Variants in ARHGEF3 observed in about 807,000 individuals in gnomAD.
The protein encoded by ARHGEF3 is Rho guanine nucleotide exchange factor 3.
A neutral mutation model predicts 63.2 loss-of-function variants in ARHGEF3; 28 were observed. The observed-to-expected ratio is 0.44, with a 90% CI of 0.33 to 0.61. ARHGEF3 has a LOEUF of 0.61. Ranked by LOEUF, ARHGEF3 falls within the 20% of genes least tolerant of loss-of-function variation. The pLI is 0.03. For synonymous variants in ARHGEF3, 266 were observed against 254.2 expected (o/e 1.05, Z -0.44); for missense variants, 533 against 659.3 (o/e 0.81, Z 2.10).
At chr3:56,815,574 CA>C (rs2038238745) in intron 4 of ARHGEF3, among the ~76,000 whole-genome samples, 2 of 152,070 alleles carry the variant, frequency 1.3e-5, no homozygotes, top group Admixed American at 1.3e-4. Flanking sequence ...AATGGCAAAG[CA>C]AACAAGAGGT....
intron 2 of ARHGEF3, among the ~76,000 whole-genome samples, chr3:56,968,231 T>G (rs1159022520): frequency 1.3e-4 from 6 of 45,032 alleles, no homozygotes; most frequent in African/African-American, 4.5e-4. Flanking sequence ...ATAATATATA[T>G]ATAAATATAT....
intron 3 of ARHGEF3, among the ~76,000 whole-genome samples, chr3:56,920,493 G>A (rs9311631): frequency 0.54 from 82,349 of 152,052 alleles, 22,764 homozygotes; most frequent in South Asian, 0.61. Flanking sequence ...ACTCGTCAGG[G>A]TTGTGAGAAT....
intron 4 of ARHGEF3, among the ~76,000 whole-genome samples, chr3:56,820,678 G>T (rs2038453937): frequency 6.6e-6 from 1 of 151,934 alleles, no homozygotes; most frequent in Non-Finnish European, 1.5e-5. Flanking sequence ...GACCATGTTG[G>T]GATACTGATT....
chr3:56,831,010 T>G (rs2038914102), intron 4 of ARHGEF3, among the ~76,000 whole-genome samples: 2 of 152,194 alleles, frequency 1.3e-5, no homozygotes, highest in Non-Finnish European at 2.9e-5. Context: ...TGCTGTTATT[T>G]ACCATCTCCC....
intron 1 of ARHGEF3, among the ~76,000 whole-genome samples, chr3:56,774,055 A>C (rs1167133951): frequency 6.6e-6 from 1 of 152,188 alleles, no homozygotes; most frequent in Non-Finnish European, 1.5e-5. Context: ...GAAAAGGGGC[A>C]GGGATCTGCT....
intron 3 of ARHGEF3, among the ~76,000 whole-genome samples, chr3:56,950,607 G>A (rs371688469): frequency 3.9e-5 from 6 of 151,996 alleles, no homozygotes; most frequent in South Asian, 2.1e-4. Flanking sequence ...TTAGAATGGC[G>A]ATCATTAAAA....
chr3:56,981,475 C>T (rs1701325399), intron 2 of ARHGEF3, among the ~76,000 whole-genome samples: 2 of 152,132 alleles, frequency 1.3e-5, no homozygotes, highest in Non-Finnish European at 2.9e-5. Flanking sequence ...AGAGGTGGGT[C>T]TCATGTCCTT....
intron 4 of ARHGEF3, among the ~76,000 whole-genome samples, chr3:56,825,159 T>C (rs574406839): frequency 5.3e-4 from 80 of 152,304 alleles, no homozygotes; most frequent in Non-Finnish European, 9.7e-4. Flanking sequence ...CATAGGGCTA[T>C]TGTGAAAACT....
chr3:56,754,933 G>A (rs775527401), intron 3 of ARHGEF3, 48 bp downstream of exon 3: 3 of 1,609,770 alleles, frequency 1.9e-6, no homozygotes, highest in South Asian at 2.2e-5. Context: ...ACGCTGCAAT[G>A]CACCTTTGTT....
intron 4 of ARHGEF3, among the ~76,000 whole-genome samples, chr3:56,863,032 C>T (rs1578705219): frequency 6.6e-6 from 1 of 152,172 alleles, no homozygotes; most frequent in African/African-American, 2.4e-5. Context: ...TGCCCCCTAA[C>T]CATGTCTTCT....
chr3:56,881,684 C>A (rs2040770493), intron 4 of ARHGEF3, among the ~76,000 whole-genome samples: 1 of 152,086 alleles, frequency 6.6e-6, no homozygotes, highest in African/African-American at 2.4e-5. Context: ...GGTGGGTGCC[C>A]AGTATGTACA....
At chr3:56,768,375 G>A (rs2035825522) in intron 2 of ARHGEF3, among the ~76,000 whole-genome samples, 1 of 151,274 alleles carries the variant, frequency 6.6e-6, no homozygotes, top group Non-Finnish European at 1.5e-5. Flanking sequence ...TTTAAATGAT[G>A]TTATATTATC....
At chr3:56,784,848 C>T (rs573047921) in intron 1 of ARHGEF3, among the ~76,000 whole-genome samples, 1 of 152,264 alleles carries the variant, frequency 6.6e-6, no homozygotes, top group African/African-American at 2.4e-5. Context: ...CGACCTTGGG[C>T]CCAAAATATA....
At chr3:56,976,240 G>A (rs1216771538) in intron 2 of ARHGEF3, among the ~76,000 whole-genome samples, 2 of 151,976 alleles carry the variant, frequency 1.3e-5, no homozygotes, top group Admixed American at 6.6e-5. Flanking sequence ...ACGGGGTTTC[G>A]TCATGTTGGC....
At chr3:57,074,386 C>T in intron 1 of ARHGEF3, 1 of 817,978 alleles carries the variant, frequency 1.2e-6, no homozygotes, top group Non-Finnish European at 2.0e-6. Context: ...CCATCCCTTT[C>T]TGCATCTTCT....
chr3:57,046,905 A>G (rs1704476378), intron 1 of ARHGEF3, among the ~76,000 whole-genome samples: 1 of 152,230 alleles, frequency 6.6e-6, no homozygotes, highest in Admixed American at 6.5e-5. Context: ...AAGAGATTCT[A>G]GTTTCGTTTA....
intron 4 of ARHGEF3, among the ~76,000 whole-genome samples, chr3:56,834,160 C>T (rs2108083839): frequency 6.6e-6 from 1 of 152,192 alleles, no homozygotes; most frequent in East Asian, 1.9e-4. Context: ...GCCTCAGCCT[C>T]CCAAAATTCT....
At position 57,057,265 on chromosome 3, in the gene ARHGEF3, C is replaced by A. The variant is rs903708652; in HGVS notation, c.-28+21961G>T. On this transcript the variant is annotated intron_variant, in intron 1 of 12. Transcript: ENST00000338458. ...TAGCTGGGATTACAGGTGCGTGCCA[C>A]CACACTTGGCTAATTTTTGTATTTT... 3.3e-5 allele frequency among the ~76,000 whole-genome samples: 5 copies of A among 152,088 alleles called. No individual in the cohort carries two copies. The East Asian group carries it at 5.8e-4, about 18-fold the overall frequency.
chr3:56,729,130 G>A lies in ARHGEF3; in HGVS notation c.*140C>T. 1 of 707,856 alleles carries A rather than the reference G, an allele frequency of 1.4e-6. No homozygotes were observed. The allele number at this position is 707,856 out of a possible 1,614,324, so 43.8% of individuals were successfully genotyped here. ...GGCAGTTACAGTACTAGGGACAAAG[G>A]TACAGATACGAGAGACTGGGCCAAC... On this transcript the variant is annotated 3_prime_UTR_variant, in exon 10 of 10. Coordinates refer to ENST00000296315, the MANE Select transcript of ARHGEF3 (RefSeq NM_019555.3).
Sources: allele counts gnomAD v4.1 joint callset (sites outside exome capture counted in the v4.1 genomes callset), GRCh38; gene constraint gnomAD v4.1.1; transcripts MANE v1.5; gene names NCBI Gene and HGNC (gene_info 2026-07-23, HGNC 2026-07-21).